Variants in TCF7L1 observed in about 807,000 individuals in gnomAD.
The protein encoded by TCF7L1 is transcription factor 7 like 1, also known as transcription factor 7-like 1.
TCF7L1 carries 18 observed loss-of-function variants against 63.7 expected under a neutral mutation model. The observed-to-expected ratio is 0.28, with a 90% CI of 0.20 to 0.42. The LOEUF is 0.42. TCF7L1 is among the 10% of genes least tolerant of loss of function. TCF7L1 has a pLI of 1.00. For synonymous variants in TCF7L1, 355 were observed against 340.9 expected (o/e 1.04, Z -0.46); for missense variants, 654 against 779.3 (o/e 0.84, Z 1.91).
chr2:85,254,171 C>A (rs1680652745), intron 3 of TCF7L1, among the ~76,000 whole-genome samples: 1 of 152,280 alleles, frequency 6.6e-6, no homozygotes, highest in Non-Finnish European at 1.5e-5. Context: ...TGTAGACTTG[C>A]TGCCACTGCA....
chr2:85,194,182 G>A (rs1679100748), intron 3 of TCF7L1, among the ~76,000 whole-genome samples: 1 of 152,122 alleles, frequency 6.6e-6, no homozygotes, highest in Non-Finnish European at 1.5e-5. Flanking sequence ...ACCGAAACAG[G>A]AGGGATTACC....
chr2:85,280,161 G>A (rs1312801860), intron 3 of TCF7L1, among the ~76,000 whole-genome samples: 1 of 152,150 alleles, frequency 6.6e-6, no homozygotes, highest in Non-Finnish European at 1.5e-5. Flanking sequence ...AGTTGCGGGA[G>A]GGAAGATTCT....
chr2:85,278,263 A>G (rs1681324821), intron 3 of TCF7L1, among the ~76,000 whole-genome samples: 1 of 152,210 alleles, frequency 6.6e-6, no homozygotes, highest in South Asian at 2.1e-4. Flanking sequence ...GGAGGGCTCT[A>G]AGGAGGGGCC....
At chr2:85,247,252 A>C (rs1680487791) in intron 3 of TCF7L1, among the ~76,000 whole-genome samples, 1 of 152,246 alleles carries the variant, frequency 6.6e-6, no homozygotes. Context: ...GACCGCTATT[A>C]TTAACCTCTC....
intron 3 of TCF7L1, among the ~76,000 whole-genome samples, chr2:85,211,452 A>G (rs2104289744): frequency 6.6e-6 from 1 of 152,332 alleles, no homozygotes; most frequent in South Asian, 2.1e-4. Flanking sequence ...GAGACAACAC[A>G]TGGGAAGGGT....
chr2:85,194,284 T>C (rs1679102640), intron 3 of TCF7L1, among the ~76,000 whole-genome samples: 1 of 151,976 alleles, frequency 6.6e-6, no homozygotes, highest in Non-Finnish European at 1.5e-5. Flanking sequence ...TCCCAGCACT[T>C]TGGGGAGGCC....
chr2:85,284,789 A>G (rs1681504252), intron 4 of TCF7L1, among the ~76,000 whole-genome samples: 1 of 152,194 alleles, frequency 6.6e-6, no homozygotes, highest in Non-Finnish European at 1.5e-5. Flanking sequence ...GATGTTTATT[A>G]AAGTTTAATT....
In TCF7L1 at chr2:85,302,595, C is replaced by G. The variant is rs779586641; in HGVS notation, c.637C>G (p.Pro213Ala). ...CGGCTCCCCTCCCACCCACCTCTCC[C>G]CAGAGATCGATCCAAAGACAGGTAA... ...SPGSPPTHLS[P>A]EIDPKTGIPR... The change falls in exon 5 of 12, where the codon CCA (proline) becomes GCA (alanine). Residue 213 changes from proline (P) to alanine (A), a missense_variant. Physicochemically the swap from Pro to Ala is conservative, Grantham distance 27. Around this residue, in one of 3 missense-constraint regions of TCF7L1, gnomAD observed 404 missense variants for 454.8 expected, o/e 0.89. Transcript: ENST00000282111. 1 of 1,614,058 alleles carries G rather than the reference C, an allele frequency of 6.2e-7. No homozygotes were observed. Among genetic ancestry groups the G allele is most frequent in the South Asian group, 1.1e-5 (1 of 91,068 alleles).
chr2:85,265,894 A>G (rs184312980), intron 3 of TCF7L1, among the ~76,000 whole-genome samples: 4 of 152,314 alleles, frequency 2.6e-5, no homozygotes, highest in Non-Finnish European at 4.4e-5. Context: ...AAAAACACCC[A>G]TAATCTTGTC....
Position 85,308,442 on chromosome 2 carries a change from TTTCTCTTTCCCTCC to T in TCF7L1, c.1334-586_1334-573del, listed in dbSNP as rs1319370264. On this transcript the variant is annotated intron_variant, in intron 11 of 11. Coordinates refer to ENST00000282111, the MANE Select transcript of TCF7L1 (RefSeq NM_031283.3). ...TTCCCTCCCTCCTTTTCTCCCTCCC[TTTCTCTTTCCCTCC>T]CTCTCTTTCCCTCCCTCTCCCCCTC... Among the ~76,000 whole-genome samples, 113 of 71,808 alleles carry T rather than the reference TTTCTCTTTCCCTCC, an allele frequency of 1.6e-3. 3 individuals carry two copies. Among genetic ancestry groups the T allele is most frequent in the African/African-American group, 6.8e-3 (106 of 15,500 alleles). The allele number at this position is 71,808 out of a possible 152,430, so 47.1% of individuals were successfully genotyped here.
At chr2:85,297,060 GA>G (rs1157456226) in intron 4 of TCF7L1, among the ~76,000 whole-genome samples, 1 of 152,108 alleles carries the variant, frequency 6.6e-6, no homozygotes. Context: ...ATGCAGAAGA[GA>G]AAAAAAGGCA....
Position 85,139,949 on chromosome 2 carries a change from T to C in TCF7L1, c.441+5499T>C, listed in dbSNP as rs941251943. On this transcript the variant is annotated intron_variant, in intron 3 of 11. Transcript: ENST00000282111. ...ACATGGCTAGAAAGATAATGGTGGA[T>C]TGGAGGACGAGGACCTGGAAGGGGA... is the stretch of plus-strand genomic sequence containing the variant. Among the ~76,000 whole-genome samples the C allele has an allele frequency of 2.0e-5, 3 of 151,966 alleles. No homozygotes were observed. In the East Asian group the frequency reaches 5.8e-4, roughly 29 times the overall value.
chr2:85,284,406 C>G (rs1284981435), intron 4 of TCF7L1, among the ~76,000 whole-genome samples: 1 of 152,146 alleles, frequency 6.6e-6, no homozygotes, highest in African/African-American at 2.4e-5. Flanking sequence ...TCTGCCAGGC[C>G]CTGTGGCAAT....
At chr2:85,304,570 ACT>A (rs562067040) in intron 7 of TCF7L1, among the ~76,000 whole-genome samples, 257 of 152,028 alleles carry the variant, frequency 1.7e-3, no homozygotes, top group Middle Eastern at 6.8e-3. Context: ...AAGCCCTAGC[ACT>A]CTGCCTCCTG....
intron 4 of TCF7L1, among the ~76,000 whole-genome samples, chr2:85,293,771 C>T (rs530660638): frequency 1.6e-4 from 24 of 152,288 alleles, no homozygotes; most frequent in African/African-American, 5.3e-4. Context: ...TTAACAGTCT[C>T]GTGTCCAAGT....
intron 3 of TCF7L1, among the ~76,000 whole-genome samples, chr2:85,210,735 C>G (rs551339158): frequency 6.6e-6 from 1 of 152,302 alleles, no homozygotes; most frequent in South Asian, 2.1e-4. Flanking sequence ...ATAACATGGT[C>G]ATTTCCGGAG....
Position 85,134,405 on chromosome 2 carries a change from C to T in TCF7L1, c.396C>T (p.Ser132=). 1.3e-6 allele frequency: 2 copies of T among 1,567,840 alleles called. No homozygotes were observed. Among genetic ancestry groups the T allele is most frequent in the South Asian group, 1.2e-5 (1 of 85,414 alleles). Residue 132 remains serine, a synonymous_variant, in exon 3 of 12, where the codon AGC becomes AGT. Coordinates refer to ENST00000282111, the MANE Select transcript of TCF7L1 (RefSeq NM_031283.3). The surrounding 1 kb of genome is among the most constrained non-coding windows in gnomAD (Gnocchi z 5.0). ...YPFLMIPDLS[S]PYLSNGPLSP... is the part of the protein sequence containing the mutation. ...TCCTGATGATCCCGGACCTGAGCAG[C>T]CCGTACCTCTCCAACGGACCCCTGT... is the stretch of plus-strand genomic sequence containing the variant.
intron 3 of TCF7L1, among the ~76,000 whole-genome samples, chr2:85,250,886 A>G (rs1039896052): frequency 2.6e-5 from 4 of 152,236 alleles, no homozygotes; most frequent in African/African-American, 7.2e-5. Context: ...ATAACCTTTG[A>G]GAGACCTTTC....
intron 3 of TCF7L1, among the ~76,000 whole-genome samples, chr2:85,199,481 G>C (rs986708273): frequency 6.6e-6 from 1 of 152,158 alleles, no homozygotes; most frequent in African/African-American, 2.4e-5. Context: ...TCAAATTCTA[G>C]GGCAGTGGTT....
Sources: gnomAD v4.1 joint callset for allele counts (sites outside exome capture counted in the v4.1 genomes callset) on GRCh38, gnomAD v4.1.1 for gene constraint, gnomAD v4.1.1 regional missense constraint, Gnocchi (gnomAD v3.1) non-coding constraint, MANE v1.5 for transcripts, NCBI Gene and HGNC (gene_info 2026-07-23, HGNC 2026-07-21) for gene names.